SKAP1: variants seen among roughly 807,000 people sequenced by gnomAD.
The protein encoded by SKAP1 is src kinase associated phosphoprotein 1.
A neutral mutation model predicts 58.5 loss-of-function variants in SKAP1; 44 were observed. That is an observed-to-expected ratio of 0.75 (90% CI 0.59 to 0.97). SKAP1 has a LOEUF of 0.97. SKAP1 is among the 50% of genes least tolerant of loss of function. The pLI is 0.00. For synonymous variants in SKAP1, 127 were observed against 149.7 expected, an observed-to-expected ratio of 0.85 and a Z score of 1.11; for missense variants, 390 against 435.2, an observed-to-expected ratio of 0.90 and a Z score of 0.92.
intron 4 of SKAP1, chr17:48,307,373 CT>C (rs1357475888): frequency 6.6e-6 from 1 of 152,232 alleles, no homozygotes; most frequent in African/African-American, 2.4e-5. Flanking sequence ...GTCATGGACC[CT>C]ACTTTATGGT....
chr17:48,444,763 T>C, the SKAP1 span, among the ~76,000 whole-genome samples: 2 of 152,148 alleles, frequency 1.3e-5, no homozygotes, highest in African/African-American at 4.8e-5. Flanking sequence ...TAGCTTTCTT[T>C]CACAAAGTCC....
intron 4 of SKAP1, among the ~76,000 whole-genome samples, chr17:48,291,882 G>T (rs1393496534): frequency 6.6e-6 from 1 of 151,996 alleles, no homozygotes; most frequent in Non-Finnish European, 1.5e-5. Flanking sequence ...TATTTTTATG[G>T]CATATCTTTA....
At chr17:48,170,828 A>G (rs2064200460) in intron 9 of SKAP1, among the ~76,000 whole-genome samples, 169 bp from the exon 10 acceptor site, 1 of 151,652 alleles carries the variant, frequency 6.6e-6, no homozygotes, top group Non-Finnish European at 1.5e-5. Context: ...CTCCTGCCTC[A>G]GCCCCCTGAG....
intron 4 of SKAP1, among the ~76,000 whole-genome samples, chr17:48,292,189 T>C (rs543205175): frequency 6.6e-6 from 1 of 150,626 alleles, no homozygotes; most frequent in Admixed American, 6.6e-5. Flanking sequence ...CCAACAGGGA[T>C]AAAATTAAAA....
intron 4 of SKAP1, among the ~76,000 whole-genome samples, chr17:48,253,668 CTCT>C (rs1259393712): frequency 6.6e-6 from 1 of 152,066 alleles, no homozygotes; most frequent in Non-Finnish European, 1.5e-5. Flanking sequence ...TGTAATAGAC[CTCT>C]TCTTCTATAC....
intron 9 of SKAP1, among the ~76,000 whole-genome samples, chr17:48,174,846 G>C (rs1226711037): frequency 6.6e-6 from 1 of 152,106 alleles, no homozygotes; most frequent in African/African-American, 2.4e-5. Context: ...CCTTACATAG[G>C]TTTTAAACAA....
At chr17:48,196,317 C>T (rs1263744022) in intron 4 of SKAP1, among the ~76,000 whole-genome samples, 1 of 152,184 alleles carries the variant, frequency 6.6e-6, no homozygotes, top group Non-Finnish European at 1.5e-5. Context: ...GTTATTCTAA[C>T]TCCTGGTGTC....
rs559144009 is a variant in SKAP1 at position 48,427,658 on chromosome 17, CCT to C, written c.46+2415_46+2416del. ...CACACACATTATGTCAAAAAATGCC[CCT>C]GTCATTTATGCTTGTGTAGTTATAA... On this transcript the variant is annotated intron_variant, in intron 1 of 12. Transcript: ENST00000336915. 4.7e-4 allele frequency among the ~76,000 whole-genome samples: 71 copies of C among 150,602 alleles called. 2 individuals carry two copies. Among genetic ancestry groups the C allele is most frequent in the African/African-American group, 1.6e-3 (65 of 40,828 alleles).
intron 1 of SKAP1, among the ~76,000 whole-genome samples, chr17:48,416,448 C>G (rs2067732236): frequency 6.6e-6 from 1 of 152,166 alleles, no homozygotes; most frequent in Non-Finnish European, 1.5e-5. Context: ...TCTCCTTGTA[C>G]TGGTGGTGGT....
intron 1 of SKAP1, among the ~76,000 whole-genome samples, chr17:48,405,401 C>CTT (rs1253939152): frequency 7.8e-5 from 4 of 51,196 alleles, no homozygotes; most frequent in Non-Finnish European, 1.5e-4. Context: ...TCCTTTCTTT[C>CTT]TTTCTTTCTT....
chr17:48,336,630 G>T (rs1838299602), intron 4 of SKAP1, among the ~76,000 whole-genome samples: 1 of 152,072 alleles, frequency 6.6e-6, no homozygotes, highest in Non-Finnish European at 1.5e-5. Context: ...GAATAAATTA[G>T]GAATAATAGT....
At chr17:48,277,449 A>G (rs2065715209) in intron 4 of SKAP1, among the ~76,000 whole-genome samples, 1 of 152,248 alleles carries the variant, frequency 6.6e-6, no homozygotes, top group Non-Finnish European at 1.5e-5. Flanking sequence ...TATATGGAGC[A>G]TTCCTGATTA....
At chr17:48,414,447 A>G (rs532072466) in intron 1 of SKAP1, among the ~76,000 whole-genome samples, 1 of 152,320 alleles carries the variant, frequency 6.6e-6, no homozygotes, top group Non-Finnish European at 1.5e-5. Context: ...CAGAACACAG[A>G]GGTCAGGAGA....
chr17:48,323,826 G>C (rs1879535014), intron 4 of SKAP1, among the ~76,000 whole-genome samples: 1 of 152,026 alleles, frequency 6.6e-6, no homozygotes, highest in Admixed American at 6.6e-5. Context: ...ACAGTGTTGA[G>C]GCTGGCTACT....
chr17:48,316,520 C>CT (rs1293299963), intron 4 of SKAP1, among the ~76,000 whole-genome samples: 2 of 152,110 alleles, frequency 1.3e-5, no homozygotes, highest in African/African-American at 2.4e-5. Context: ...GCCTTTCAGT[C>CT]TTTTTTGTTG....
upstream of SKAP1, among the ~76,000 whole-genome samples, chr17:48,434,611 G>A (rs1056799533): frequency 6.6e-6 from 1 of 152,082 alleles, no homozygotes; most frequent in Non-Finnish European, 1.5e-5. Context: ...TCTCAGTGAG[G>A]TACAGGCTTG....
At chr17:48,345,871 G>C in intron 4 of SKAP1, 34 bp downstream of exon 4, 17 of 1,421,082 alleles carry the variant, frequency 1.2e-5, no homozygotes, top group Non-Finnish European at 1.6e-5. Flanking sequence ...ATGAAGTATG[G>C]TAGTCACCCA....
At chr17:48,176,909 C>T (rs1483855896) in intron 9 of SKAP1, among the ~76,000 whole-genome samples, 1 of 152,190 alleles carries the variant, frequency 6.6e-6, no homozygotes, top group Non-Finnish European at 1.5e-5. Context: ...ATGGCTTTCC[C>T]TATAGAGACA....
chr17:48,270,269 A>G (rs1382234949), intron 4 of SKAP1, among the ~76,000 whole-genome samples: 1 of 152,214 alleles, frequency 6.6e-6, no homozygotes, highest in Non-Finnish European at 1.5e-5. Flanking sequence ...GCATACATGC[A>G]TGTGCTCACA....
Sources: allele counts gnomAD v4.1 joint callset (sites outside exome capture counted in the v4.1 genomes callset), GRCh38; gene constraint gnomAD v4.1.1; transcripts MANE v1.5; gene names NCBI Gene and HGNC (gene_info 2026-07-23, HGNC 2026-07-21).